Variants in SRRM2 observed in about 807,000 individuals in gnomAD.
The protein encoded by SRRM2 is serine/arginine repetitive matrix 2.
SRRM2 carries 30 observed loss-of-function variants against 213.8 expected under a neutral mutation model. That is an observed-to-expected ratio of 0.14 (90% confidence interval 0.10 to 0.19). The LOEUF (loss-of-function observed/expected upper bound fraction) is 0.19, where lower values mean the gene tolerates loss of function less well. Among genes scored for constraint, SRRM2 ranks in the 10% least tolerant of loss-of-function variants. SRRM2 has a pLI of 1.00. For synonymous variants in SRRM2, 2,025 were observed against 1,377.7 expected (o/e 1.47, Z -10.40); for missense variants, 4,904 against 3,647.0 (o/e 1.34, Z -8.88).
chr16:2,769,868 C>T (rs940517562), intron 12 of SRRM2: 11 of 466,244 alleles, frequency 2.4e-5, no homozygotes, highest in Non-Finnish European at 3.8e-5. Flanking sequence ...CCAGCCACAC[C>T]CAGCGCCTTG....
intron 12 of SRRM2, chr16:2,769,759 A>C (rs752686993): frequency 2.1e-6 from 1 of 466,216 alleles, no homozygotes; most frequent in Non-Finnish European, 4.3e-6. Flanking sequence ...CTGCAGGACA[A>C]AGCCCCACCT....
rs752973054 is a variant in SRRM2, at chr16:2,763,327, C to T, written c.2799C>T (p.Ser933=). Residue 933 remains serine, a synonymous_variant, in exon 11 of 15, where the codon TCC becomes TCT. Coordinates refer to ENST00000301740, the MANE Select transcript of SRRM2 (RefSeq NM_016333.4). ...ISPRQRSHSG[S]SSPSPSRVTS... ...CAAGACAAAGAAGCCATTCTGGCTC[C>T]TCTTCTCCAAGTCCTAGTAGGGTGA... 6.2e-7 allele frequency: 1 copy of T among 1,614,102 alleles called. No individual in the cohort carries two copies. The highest frequency in any genetic ancestry group is 1.3e-5 in the African/African-American group (1 of 74,932).
rs776081664 is a variant in SRRM2, at chr16:2,765,622, A to G, written c.5094A>G (p.Thr1698=). 8.7e-6 allele frequency: 14 copies of G among 1,613,994 alleles called. No homozygotes were observed. Among genetic ancestry groups the G allele is most frequent in the African/African-American group, 1.3e-5 (1 of 74,910 alleles). The stretch of plus-strand genomic sequence containing the variant: ...GCTCTCGATCATCTCCGGAGCTAAC[A>G]AGGAAGGCCAGACTGTCCCGTAGAA... ...RRSSRSSPEL[T]RKARLSRRSR... is the part of the protein sequence containing the mutation. Residue 1698 remains threonine (T), a synonymous_variant, in exon 11 of 15, where the codon ACA becomes ACG. Coordinates refer to ENST00000301740, the MANE Select transcript of SRRM2 (RefSeq NM_016333.4).
chr16:2,766,880 A>G lies in SRRM2; in HGVS notation c.6352A>G (p.Ser2118Gly), dbSNP rs1297916813. 5 of 1,614,006 alleles carry G rather than the reference A, an allele frequency of 3.1e-6. No homozygotes were observed. The highest frequency in any genetic ancestry group is 4.2e-6 in the Non-Finnish European group (5 of 1,180,026). Residue 2118 changes from serine to glycine, a missense_variant, in exon 11 of 15, where the codon AGT becomes GGT. Coordinates refer to ENST00000301740, the MANE Select transcript of SRRM2 (RefSeq NM_016333.4). The surrounding 1 kb of genome is among the most constrained non-coding windows in gnomAD (Gnocchi z 7.0). ...CAACAGTTCCAGAATGAGCTGCTTC[A>G]GTCGTCCTAGCATGTCCCCAACACC... is the stretch of plus-strand genomic sequence containing the variant. ...ALNSSRMSCF[S>G]RPSMSPTPLD...
chr16:2,757,889 T>C lies in SRRM2; in HGVS notation c.459T>C (p.Pro153=). 6.2e-7 allele frequency: 1 copy of C among 1,614,224 alleles called. No individual in the cohort carries two copies. The highest frequency in any genetic ancestry group is 8.5e-7 in the Non-Finnish European group (1 of 1,180,042). The change falls in exon 4 of 15, where the codon CCT becomes CCC. Residue 153 remains proline, a synonymous_variant. Coordinates refer to ENST00000301740, the MANE Select transcript of SRRM2 (RefSeq NM_016333.4). ...ACGTAGATGGCAGCTCTTTTGATCC[T>C]CAGCGTCGTGCCCGAGAAGCTAAAC... ...DSYVDGSSFD[P]QRRAREAKQP...
Position 2,769,044 on chromosome 16 carries a change from G to A in SRRM2, c.7781G>A (p.Arg2594His), listed in dbSNP as rs370927491. The A allele has an allele frequency of 5.0e-5, 80 of 1,613,948 alleles. No homozygotes were observed. The highest frequency in any genetic ancestry group is 1.2e-4 in the African/African-American group (9 of 74,892). The part of the protein sequence containing the change: ...PAPKEAVREG[R>H]PPEPTPAKRK... ...CCAAAGGAGGCTGTTCGAGAGGGAC[G>A]TCCTCCGGAGCCAACCCCAGCCAAA... The change falls in exon 12 of 15, where the codon CGT becomes CAT. Residue 2594 changes from arginine to histidine, a missense_variant. By Grantham distance (29) the Arg-to-His change is conservative. Coordinates refer to ENST00000301740, the MANE Select transcript of SRRM2 (RefSeq NM_016333.4).
In SRRM2 at chr16:2,763,322, G is replaced by A; in HGVS notation, c.2794G>A (p.Gly932Ser). ...ATCACCAAGACAAAGAAGCCATTCT[G>A]GCTCCTCTTCTCCAAGTCCTAGTAG... The part of the protein sequence containing the change: ...IISPRQRSHS[G>S]SSSPSPSRVT... Residue 932 changes from glycine to serine, a missense_variant, in exon 11 of 15, where the codon GGC becomes AGC. Coordinates refer to ENST00000301740, the MANE Select transcript of SRRM2 (RefSeq NM_016333.4). 6.2e-7 allele frequency: 1 copy of A among 1,614,096 alleles called. No homozygotes were observed.
chr16:2,752,790 C>G lies in SRRM2; in HGVS notation c.-88C>G. On this transcript the variant is annotated 5_prime_UTR_variant, in exon 1 of 15. Coordinates refer to ENST00000301740, the MANE Select transcript of SRRM2 (RefSeq NM_016333.4). ...CCCAGGCCCGAGGGACTCGGGAGCT[C>G]GAGCAGCGGCGGCGGCAAGACCTCT... The G allele has an allele frequency of 8.7e-6, 3 of 344,518 alleles. No individual in the cohort carries two copies. The highest frequency in any genetic ancestry group is 5.8e-5 in the South Asian group (3 of 51,542). The allele number at this position is 344,518 out of a possible 1,614,324, so 21.3% of individuals were successfully genotyped here.
rs149708987 is a variant in SRRM2, at chr16:2,770,459, A to C, written c.8129A>C (p.Gln2710Pro). The change falls in exon 13 of 15, where the codon CAG becomes CCG. Residue 2710 changes from glutamine to proline, a missense_variant. By Grantham distance (76) the Gln-to-Pro change is moderately conservative (BLOSUM62 -1). Coordinates refer to ENST00000301740, the MANE Select transcript of SRRM2 (RefSeq NM_016333.4). The part of the protein sequence containing the change: ...RPSPQPSPRD[Q>P]QSSSSERGSR... ...TCGCCCCAGCCCTCACCACGGGACC[A>C]GCAGAGGTAAGGCCAACTGCAGGTG... is the stretch of plus-strand genomic sequence containing the variant. 6.2e-7 allele frequency: 1 copy of C among 1,606,282 alleles called. No homozygotes were observed. Among genetic ancestry groups the C allele is most frequent in the Non-Finnish European group, 8.5e-7 (1 of 1,176,726 alleles).
At position 2,763,538 on chromosome 16, in the gene SRRM2, C is replaced by T; in HGVS notation, c.3010C>T (p.Pro1004Ser). Residue 1004 changes from proline to serine, a missense_variant, in exon 11 of 15, where the codon CCA becomes TCA. Physicochemically the swap from Pro to Ser is moderately conservative, Grantham distance 74 (BLOSUM62 -1). Transcript: ENST00000301740. Reference sequence around the variant, plus strand: ...ATACCCCAAAGTAAAGGCCCAAACTCCACCGGGGCCAAGTCTTTCTGGATC... The same window carrying T: ...ATACCCCAAAGTAAAGGCCCAAACTTCACCGGGGCCAAGTCTTTCTGGATC... ...SPYPKVKAQT[P>S]PGPSLSGSKS... 6.2e-7 allele frequency: 1 copy of T among 1,614,152 alleles called. No homozygotes were observed. The highest frequency in any genetic ancestry group is 8.5e-7 in the Non-Finnish European group (1 of 1,180,028).
intron 1 of SRRM2, among the ~76,000 whole-genome samples, chr16:2,753,147 C>T (rs1045629177): frequency 6.6e-6 from 1 of 152,046 alleles, no homozygotes; most frequent in African/African-American, 2.4e-5. Flanking sequence ...ACTCCTCCCC[C>T]CAACATGTGC....
In SRRM2 at chr16:2,767,610, T is replaced by C; in HGVS notation, c.7082T>C (p.Leu2361Ser). ...GCCGGCTCCAGAACCGCCGCAGCCT[T>C]GGCCCCCGCGAGCCTCACCAGTGCT... ...NIAGSRTAAA[L>S]APASLTSARM... Residue 2361 changes from leucine (L) to serine (S), a missense_variant, in exon 11 of 15, where the codon TTG becomes TCG. Physicochemically the swap from Leu to Ser is moderately radical, Grantham distance 145. Coordinates refer to ENST00000301740, the MANE Select transcript of SRRM2 (RefSeq NM_016333.4). The C allele has an allele frequency of 6.2e-7, 1 of 1,614,170 alleles. No individual in the cohort carries two copies. The highest frequency in any genetic ancestry group is 1.3e-5 in the African/African-American group (1 of 75,038).
Position 2,763,565 on chromosome 16 carries a change from A to G in SRRM2, c.3037A>G (p.Lys1013Glu), listed in dbSNP as rs778583046. 12 of 1,614,144 alleles carry G rather than the reference A, an allele frequency of 7.4e-6. No individual in the cohort carries two copies. The Admixed American group carries it at 1.5e-4, about 20-fold the overall frequency. The change falls in exon 11 of 15, where the codon AAG (lysine) becomes GAG (glutamate). Residue 1013 changes from lysine (K) to glutamate (E), a missense_variant. By Grantham distance (56) the Lys-to-Glu change is moderately conservative. Coordinates refer to ENST00000301740, the MANE Select transcript of SRRM2 (RefSeq NM_016333.4). ...ACCGGGGCCAAGTCTTTCTGGATCA[A>G]AGTCACCATGTCCCCAAGAGAAGTC... The part of the protein sequence containing the change: ...TPPGPSLSGS[K>E]SPCPQEKSKD...
chr16:2,765,833 G>A lies in SRRM2; in HGVS notation c.5305G>A (p.Gly1769Arg). The change falls in exon 11 of 15, where the codon GGA (glycine) becomes AGA (arginine). Residue 1769 changes from glycine to arginine, a missense_variant. Physicochemically the swap from Gly to Arg is moderately radical, Grantham distance 125 (BLOSUM62 -2). Transcript: ENST00000301740. ...RGRSPSPKPR[G>R]LQRSRSRSRR... The stretch of plus-strand genomic sequence containing the variant: ...CCGCTCTCCTTCGCCAAAGCCTCGT[G>A]GACTCCAGAGGTCCCGTTCCCGCTC... 1 of 1,614,006 alleles carries A rather than the reference G, an allele frequency of 6.2e-7. No homozygotes were observed.
rs201096433 is a variant in SRRM2 at position 2,759,143 on chromosome 16, A to G, written c.660A>G (p.Ser220=). 9.1e-5 allele frequency: 147 copies of G among 1,614,100 alleles called. No individual in the cohort carries two copies. The highest frequency in any genetic ancestry group is 1.2e-4 in the Non-Finnish European group (136 of 1,180,038). Residue 220 remains serine (S), a synonymous_variant, in exon 7 of 15, where the codon TCA becomes TCG. Coordinates refer to ENST00000301740, the MANE Select transcript of SRRM2 (RefSeq NM_016333.4). Reference sequence around the variant, plus strand: ...TTTCTTCTCTTTTTTCCAACAGGTCAGAATCTGAGTCCAAGAAACGTAAGC... The same window carrying G: ...TTTCTTCTCTTTTTTCCAACAGGTCGGAATCTGAGTCCAAGAAACGTAAGC... The part of the protein sequence containing the change: ...KKSSKKKKHR[S]ESESKKRKHR...
rs765710759 is a variant in SRRM2, at chr16:2,768,133, G to A, written c.7605G>A (p.Ser2535=). 1.0e-4 allele frequency: 165 copies of A among 1,612,748 alleles called. No homozygotes were observed. In the Admixed American group the frequency reaches 2.6e-3, roughly 25 times the overall value. ...QPAKERRSSS[S]SSSSSSSSSS... ...CAAAGGAGCGGCGGAGTTCCTCCTC[G>A]TCGTCGTCGTCCTCTAGCTCCTCCT... is the stretch of plus-strand genomic sequence containing the variant. The change falls in exon 11 of 15, where the codon TCG becomes TCA. Residue 2535 remains serine (S), a synonymous_variant. Transcript: ENST00000301740.
Position 2,766,470 on chromosome 16 carries a change from G to T in SRRM2, c.5942G>T (p.Arg1981Ile). ...AGAACTTCGCCTATCACTCGCAGAAGATCAAGATCCAGAACATCTCCGGTC... is the reference window on the plus strand; with the variant it reads ...AGAACTTCGCCTATCACTCGCAGAATATCAAGATCCAGAACATCTCCGGTC... ...RSRTSPITRR[R>I]SRSRTSPVTR... The change falls in exon 11 of 15, where the codon AGA becomes ATA. Residue 1981 changes from arginine to isoleucine, a missense_variant. Arg to Ile is a moderately conservative substitution (Grantham distance 97). Coordinates refer to ENST00000301740, the MANE Select transcript of SRRM2 (RefSeq NM_016333.4). The surrounding 1 kb of genome is among the most constrained non-coding windows in gnomAD (Gnocchi z 7.0). 1 of 1,614,170 alleles carries T rather than the reference G, an allele frequency of 6.2e-7. No homozygotes were observed. The highest frequency in any genetic ancestry group is 8.5e-7 in the Non-Finnish European group (1 of 1,180,038).
In SRRM2 at chr16:2,766,410, G is replaced by A. The variant is rs745816896; in HGVS notation, c.5882G>A (p.Arg1961Lys). ...PPVTRRRSRS[R>K]TPPVTRRRSR... Reference sequence around the variant, plus strand: ...GTGACTCGCAGAAGGTCCAGATCCAGGACTCCACCAGTAACCAGGAGGCGA... The same window carrying A: ...GTGACTCGCAGAAGGTCCAGATCCAAGACTCCACCAGTAACCAGGAGGCGA... Residue 1961 changes from arginine (R) to lysine (K), a missense_variant, in exon 11 of 15, where the codon AGG becomes AAG. Arg to Lys is a conservative substitution (Grantham distance 26). Coordinates refer to ENST00000301740, the MANE Select transcript of SRRM2 (RefSeq NM_016333.4). The surrounding 1 kb of genome is among the most constrained non-coding windows in gnomAD (Gnocchi z 7.0). 1 of 1,613,828 alleles carries A rather than the reference G, an allele frequency of 6.2e-7. No homozygotes were observed. Among genetic ancestry groups the A allele is most frequent in the Non-Finnish European group, 8.5e-7 (1 of 1,179,980 alleles).
chr16:2,770,866 A>G lies in SRRM2; in HGVS notation c.8258A>G (p.Ter2753=), dbSNP rs752385344. 3.9e-5 allele frequency: 63 copies of G among 1,613,750 alleles called. No individual in the cohort carries two copies. Among genetic ancestry groups the G allele is most frequent in the Non-Finnish European group, 5.1e-5 (60 of 1,179,996 alleles). Residue 2753 remains the stop codon, a stop_retained_variant, in exon 15 of 15, where the codon TAA becomes TGA. Transcript: ENST00000301740. The part of the protein sequence containing the change: ...PMRHRSSRSP[*] ...CATATCTTCTCTTGCAGGTCTCCAT[A>G]AATTGTCTTTGGGGGATTCCACCAC... is the stretch of plus-strand genomic sequence containing the variant.
Sources: gnomAD v4.1 joint callset for allele counts (sites outside exome capture counted in the v4.1 genomes callset) on GRCh38, gnomAD v4.1.1 for gene constraint, Gnocchi (gnomAD v3.1) non-coding constraint, MANE v1.5 for transcripts, NCBI Gene and HGNC (gene_info 2026-07-23, HGNC 2026-07-21) for gene names.